The following GRIN2A variants were observed in gnomAD, a reference collection of about 807,000 sequenced individuals.
GRIN2A encodes the protein glutamate receptor ionotropic, NMDA 2A.
In GRIN2A, 22 loss-of-function variants were observed where a neutral mutation model predicts 113.4. The observed-to-expected ratio is 0.19, with a 90% CI of 0.14 to 0.28. The LOEUF is 0.28. Ranked by LOEUF, GRIN2A falls within the 10% of genes least tolerant of loss-of-function variation. The pLI is 1.00. For synonymous variants in GRIN2A, 827 were observed against 738.4 expected, an observed-to-expected ratio of 1.12 and a Z score of -1.94; for missense variants, 1,502 against 1,887.0, an observed-to-expected ratio of 0.80 and a Z score of 3.78.
intron 2 of GRIN2A, among the ~76,000 whole-genome samples, chr16:10,136,982 C>G (rs922982792): frequency 2.0e-5 from 3 of 152,298 alleles, no homozygotes; most frequent in Middle Eastern, 6.8e-3. Flanking sequence ...GCCTTAAGAT[C>G]ACTAGAGACA....
chr16:9,857,892 G>A (rs889375423), intron 4 of GRIN2A, among the ~76,000 whole-genome samples: 1 of 152,216 alleles, frequency 6.6e-6, no homozygotes, highest in Non-Finnish European at 1.5e-5. Flanking sequence ...TACCATGTCA[G>A]TAGTTTTAGC....
At chr16:9,924,960 C>G (rs979486908) in intron 3 of GRIN2A, among the ~76,000 whole-genome samples, 5 of 152,176 alleles carry the variant, frequency 3.3e-5, no homozygotes, top group African/African-American at 9.7e-5. Context: ...CCCCATGTGC[C>G]AATTCCAACA....
chr16:10,161,540 A>G (rs2049809412), intron 2 of GRIN2A, among the ~76,000 whole-genome samples: 1 of 152,238 alleles, frequency 6.6e-6, no homozygotes, highest in Non-Finnish European at 1.5e-5. Flanking sequence ...TTAAGATCAA[A>G]TTCAGAGAAA....
chr16:9,869,804 T>C (rs990771661), intron 4 of GRIN2A, among the ~76,000 whole-genome samples: 2 of 152,218 alleles, frequency 1.3e-5, no homozygotes, highest in African/African-American at 2.4e-5. Flanking sequence ...ACAGGGATCT[T>C]AGAAGGATGA....
intron 3 of GRIN2A, among the ~76,000 whole-genome samples, chr16:9,902,683 G>T (rs1374054571): frequency 6.6e-6 from 1 of 151,984 alleles, no homozygotes; most frequent in African/African-American, 2.4e-5. Flanking sequence ...TGAAAAATGG[G>T]GGGGTGGTAC....
At chr16:10,168,900 G>T (rs180997094) in intron 2 of GRIN2A, among the ~76,000 whole-genome samples, 2 of 151,712 alleles carry the variant, frequency 1.3e-5, no homozygotes, top group African/African-American at 2.4e-5. Flanking sequence ...AGGCGGCAGA[G>T]GTTGCAGTAA....
At chr16:9,771,935 T>C in intron 11 of GRIN2A, among the ~76,000 whole-genome samples, 1 of 152,208 alleles carries the variant, frequency 6.6e-6, no homozygotes, top group East Asian at 1.9e-4. Flanking sequence ...TTCACTTTGA[T>C]GGACAGAGAT....
intron 2 of GRIN2A, among the ~76,000 whole-genome samples, chr16:10,011,801 T>C (rs1375609632): frequency 6.6e-6 from 1 of 152,216 alleles, no homozygotes; most frequent in Non-Finnish European, 1.5e-5. Context: ...CGTTCAGGGC[T>C]GGTTCACCAT....
chr16:9,797,690 T>C (rs952015995), intron 11 of GRIN2A, among the ~76,000 whole-genome samples: 1 of 152,208 alleles, frequency 6.6e-6, no homozygotes, highest in Admixed American at 6.5e-5. Context: ...AAATTGGGAC[T>C]GATTACAGCC....
At chr16:9,889,302 TGTAA>T (rs995632363) in intron 4 of GRIN2A, among the ~76,000 whole-genome samples, 10 of 152,192 alleles carry the variant, frequency 6.6e-5, no homozygotes, top group African/African-American at 2.4e-4. Flanking sequence ...CTGTAGTGTC[TGTAA>T]GTGATAGTCC....
intron 11 of GRIN2A, among the ~76,000 whole-genome samples, chr16:9,787,909 A>G (rs1902327950): frequency 6.6e-6 from 1 of 152,080 alleles, no homozygotes; most frequent in African/African-American, 2.4e-5. Flanking sequence ...GGACACAGGG[A>G]CCTATGTCAG....
chr16:9,826,739 G>T (rs1022440623), intron 9 of GRIN2A, among the ~76,000 whole-genome samples: 9 of 152,148 alleles, frequency 5.9e-5, no homozygotes, highest in African/African-American at 1.9e-4. Flanking sequence ...AATGTTTTCA[G>T]CATGGAGACT....
intron 2 of GRIN2A, among the ~76,000 whole-genome samples, chr16:9,989,683 C>G (rs1054018333): frequency 6.6e-6 from 1 of 151,514 alleles, no homozygotes; most frequent in Non-Finnish European, 1.5e-5. Flanking sequence ...GAACTTAAAT[C>G]AAGAAAAAAA....
chr16:9,930,517 C>T (rs953405139), intron 3 of GRIN2A, among the ~76,000 whole-genome samples: 1 of 152,184 alleles, frequency 6.6e-6, no homozygotes, highest in African/African-American at 2.4e-5. Context: ...GTTTTTCCCA[C>T]TTCTGAGTTC....
intron 2 of GRIN2A, among the ~76,000 whole-genome samples, chr16:9,990,545 ACG>A (rs869036966): frequency 0.033 from 4,305 of 130,336 alleles, 158 homozygotes; most frequent in African/African-American, 0.095. Context: ...CTCTCTCTAC[ACG>A]CGCGCGCGCG....
chr16:9,971,477 A>G (rs928669212), intron 2 of GRIN2A, among the ~76,000 whole-genome samples: 5 of 152,240 alleles, frequency 3.3e-5, no homozygotes, highest in Admixed American at 2.6e-4. Context: ...TATTACATGC[A>G]GCAGAAAAAC....
chr16:10,029,162 A>G (rs2046880152), intron 2 of GRIN2A, among the ~76,000 whole-genome samples: 1 of 151,826 alleles, frequency 6.6e-6, no homozygotes, highest in African/African-American at 2.4e-5. Context: ...CTACAAGAAG[A>G]GCACTATACC....
intron 10 of GRIN2A, among the ~76,000 whole-genome samples, chr16:9,820,404 G>T (rs1018824079): frequency 1.3e-4 from 20 of 152,214 alleles, no homozygotes; most frequent in Admixed American, 4.6e-4. Flanking sequence ...TGTGAAAGTG[G>T]AAGACACAAA....
intron 4 of GRIN2A, among the ~76,000 whole-genome samples, chr16:9,887,519 A>G (rs566424703): frequency 1.3e-5 from 2 of 152,276 alleles, no homozygotes; most frequent in South Asian, 4.1e-4. Context: ...GTTGTTGTAC[A>G]TATTACTAGG....
Sources: allele counts gnomAD v4.1 joint callset (sites outside exome capture counted in the v4.1 genomes callset), GRCh38; gene constraint gnomAD v4.1.1; transcripts MANE v1.5; gene names NCBI Gene and HGNC (gene_info 2026-07-23, HGNC 2026-07-21).